Variants in KLHL32 observed in about 807,000 individuals in gnomAD.
KLHL32 encodes kelch-like protein 32.
KLHL32 carries 35 observed loss-of-function variants against 64.8 expected under a neutral mutation model. The ratio of observed to expected loss-of-function variants is 0.54; its 90% CI spans 0.41 to 0.72. The LOEUF is 0.72. KLHL32 is among the 30% of genes least tolerant of loss of function. The pLI, the probability that KLHL32 is intolerant of heterozygous loss-of-function variation, is 0.00. For synonymous variants in KLHL32, 259 were observed against 281.0 expected (o/e 0.92, Z 0.78); for missense variants, 589 against 768.5 (o/e 0.77, Z 2.76).
intron 10 of KLHL32, among the ~76,000 whole-genome samples, chr6:97,136,563 T>C (rs1800039445): frequency 6.6e-6 from 1 of 152,226 alleles, no homozygotes; most frequent in Non-Finnish European, 1.5e-5. Flanking sequence ...ACTCTAATCT[T>C]GTGTGCCATG....
chr6:97,026,739 A>T (rs1782767194), intron 3 of KLHL32, among the ~76,000 whole-genome samples: 1 of 152,206 alleles, frequency 6.6e-6, no homozygotes, highest in Admixed American at 6.5e-5. Context: ...GGGACTGTTG[A>T]AATTGAGGGT....
Position 96,976,097 on chromosome 6 carries a change from T to C in KLHL32, c.124T>C (p.Cys42Arg). The change falls in exon 3 of 11, where the codon TGC (cysteine) becomes CGC (arginine). Residue 42 changes from cysteine (C) to arginine (R), a missense_variant. Coordinates refer to ENST00000369261, the MANE Select transcript of KLHL32 (RefSeq NM_052904.4). Reference protein sequence around the residue: ...LNQQRSDGILCDITLIAEEQK... With the variant: ...LNQQRSDGILRDITLIAEEQK... Reference sequence around the variant, plus strand: ...TCAGCAGAGGAGTGATGGCATCCTCTGCGACATCACCCTGATTGCTGAGGA... The same window carrying C: ...TCAGCAGAGGAGTGATGGCATCCTCCGCGACATCACCCTGATTGCTGAGGA... The C allele has an allele frequency of 6.2e-7, 1 of 1,609,500 alleles. No homozygotes were observed.
chr6:97,056,113 T>G (rs1303612166), intron 4 of KLHL32, among the ~76,000 whole-genome samples: 1 of 143,120 alleles, frequency 7.0e-6, no homozygotes, highest in Non-Finnish European at 1.5e-5. Context: ...TTTCTTTTTT[T>G]TTTTTTTTTT....
intron 5 of KLHL32, among the ~76,000 whole-genome samples, chr6:97,065,362 A>G (rs1173454317): frequency 6.6e-6 from 1 of 152,208 alleles, no homozygotes; most frequent in African/African-American, 2.4e-5. Context: ...GATCTAAAAC[A>G]TCAGAGACTC....
chr6:97,129,095 T>TG (rs562310579), intron 8 of KLHL32, among the ~76,000 whole-genome samples: 1 of 152,226 alleles, frequency 6.6e-6, no homozygotes, highest in Non-Finnish European at 1.5e-5. Flanking sequence ...TATGTTCAAA[T>TG]GGGGGAACAG....
intron 4 of KLHL32, chr6:97,062,185 G>A (rs1789020812): frequency 6.7e-6 from 1 of 150,190 alleles, no homozygotes; most frequent in South Asian, 2.1e-4. Context: ...TATTCATCTT[G>A]TCTCTCTGTG....
intron 6 of KLHL32, among the ~76,000 whole-genome samples, chr6:97,109,490 A>G (rs920762933): frequency 6.6e-6 from 1 of 152,232 alleles, no homozygotes; most frequent in African/African-American, 2.4e-5. Flanking sequence ...TAGACCACAA[A>G]CCAGAAATTA....
intron 7 of KLHL32, among the ~76,000 whole-genome samples, chr6:97,121,067 T>C (rs1361797994): frequency 6.6e-6 from 1 of 152,194 alleles, no homozygotes; most frequent in African/African-American, 2.4e-5. Context: ...TTAACAAAGC[T>C]TTCATCCTAA....
intron 10 of KLHL32, among the ~76,000 whole-genome samples, chr6:97,133,116 T>A (rs938451973): frequency 1.3e-5 from 2 of 152,232 alleles, no homozygotes; most frequent in African/African-American, 2.4e-5. Context: ...ATTGCCTTAT[T>A]TTCTATATTA....
chr6:96,910,873 C>T, the KLHL32 span, among the ~76,000 whole-genome samples: 3 of 152,178 alleles, frequency 2.0e-5, no homozygotes, highest in Admixed American at 6.5e-5. Flanking sequence ...GAGTATTTTC[C>T]AGGATAATTA....
chr6:97,135,859 T>C (rs962532434), intron 10 of KLHL32, among the ~76,000 whole-genome samples: 2 of 152,178 alleles, frequency 1.3e-5, no homozygotes, highest in Non-Finnish European at 2.9e-5. Flanking sequence ...TTGGAGAGAA[T>C]AGCTACATGT....
At chr6:97,137,042 A>G (rs1800098979) in intron 10 of KLHL32, among the ~76,000 whole-genome samples, 2 of 152,192 alleles carry the variant, frequency 1.3e-5, no homozygotes, top group Admixed American at 1.3e-4. Flanking sequence ...CTGTAAATTG[A>G]AGACAATACT....
At chr6:96,912,542 C>T in the KLHL32 span, among the ~76,000 whole-genome samples, 2 of 152,120 alleles carry the variant, frequency 1.3e-5, no homozygotes, top group African/African-American at 2.4e-5. Context: ...CTTCCCCTGG[C>T]GGTGAGACTT....
At chr6:97,095,853 A>T (rs1334906787) in intron 6 of KLHL32, among the ~76,000 whole-genome samples, 2 of 152,340 alleles carry the variant, frequency 1.3e-5, no homozygotes, top group East Asian at 3.9e-4. Context: ...GCTTTCTTTG[A>T]CAACTGTCTT....
At chr6:96,990,254 G>A (rs1777689445) in intron 3 of KLHL32, among the ~76,000 whole-genome samples, 1 of 152,078 alleles carries the variant, frequency 6.6e-6, no homozygotes, top group Non-Finnish European at 1.5e-5. Context: ...AGTACATTCA[G>A]TTGCCTCTTT....
intron 3 of KLHL32, among the ~76,000 whole-genome samples, chr6:96,996,350 T>C (rs1163110453): frequency 6.6e-6 from 1 of 152,136 alleles, no homozygotes; most frequent in Non-Finnish European, 1.5e-5. Context: ...ATTTTTAGAA[T>C]TGAGAAAAGG....
intron 4 of KLHL32, among the ~76,000 whole-genome samples, chr6:97,059,979 C>G (rs188297524): frequency 6.6e-6 from 1 of 151,908 alleles, no homozygotes; most frequent in South Asian, 2.1e-4. Context: ...GGTATTAGAC[C>G]ACTCTAATTT....
chr6:96,996,839 T>A (rs1778468150), intron 3 of KLHL32, among the ~76,000 whole-genome samples: 3 of 152,306 alleles, frequency 2.0e-5, no homozygotes, highest in South Asian at 4.1e-4. Context: ...ATTACTGTCA[T>A]CTCTATTTTA....
chr6:97,053,083 T>TAC (rs146503529), intron 4 of KLHL32, among the ~76,000 whole-genome samples: 9,026 of 149,542 alleles, frequency 0.06, 603 homozygotes, highest in Admixed American at 0.22. Context: ...TGAGGATGGA[T>TAC]ACACACACAC....
Sources: gnomAD v4.1 joint callset for allele counts (sites outside exome capture counted in the v4.1 genomes callset) on GRCh38, gnomAD v4.1.1 for gene constraint, MANE v1.5 for transcripts, NCBI Gene and HGNC (gene_info 2026-07-23, HGNC 2026-07-21) for gene names.